GRIN2D: variants seen among roughly 807,000 people sequenced by gnomAD.
GRIN2D encodes glutamate ionotropic receptor NMDA type subunit 2D, also known as glutamate receptor ionotropic, NMDA 2D.
A neutral mutation model predicts 103.2 loss-of-function variants in GRIN2D; 37 were observed. The ratio of observed to expected loss-of-function variants is 0.36; its 90% confidence interval spans 0.28 to 0.47. GRIN2D has a LOEUF of 0.47. Among genes scored for constraint, GRIN2D ranks in the 20% least tolerant of loss-of-function variants. The pLI, the probability that GRIN2D is intolerant of heterozygous loss-of-function variation, is 1.00. For missense variants in GRIN2D, 1,557 were observed against 1,910.6 expected, an observed-to-expected ratio of 0.81 and a Z score of 3.45; for synonymous variants, 845 against 885.6, an observed-to-expected ratio of 0.95 and a Z score of 0.81.
rs1971308051 is a variant in GRIN2D, at chr19:48,442,399, G to A, written c.2673+17G>A. On this transcript the variant is annotated intron_variant, in intron 13 of 13. Transcript: ENST00000263269. This position sits in a 1 kb window ranked among gnomAD's most constrained non-coding sequence, Gnocchi z 7.2. ...TTCTCCAGGGTATGGGGCAGAGAGG[G>A]AGGCAGAGAGGGGGAGATGGCAGGG... 2 of 1,595,696 alleles carry A rather than the reference G, an allele frequency of 1.3e-6. No individual in the cohort carries two copies. Among genetic ancestry groups the A allele is most frequent in the Non-Finnish European group, 1.7e-6 (2 of 1,169,776 alleles).
At chr19:48,402,914 A>G (rs1271445443) in intron 3 of GRIN2D, among the ~76,000 whole-genome samples, 1 of 151,216 alleles carries the variant, frequency 6.6e-6, no homozygotes, top group Non-Finnish European at 1.5e-5. Context: ...AAAGGAGGAT[A>G]GGGGCCAGGC....
chr19:48,425,234 C>CG (rs1183179440), intron 11 of GRIN2D, among the ~76,000 whole-genome samples: 11 of 36,682 alleles, frequency 3.0e-4, no homozygotes, highest in Admixed American at 2.5e-4. Flanking sequence ...AGTGGGCGGG[C>CG]GGGGGGGATC....
intron 11 of GRIN2D, 112 bp downstream of exon 11, chr19:48,422,057 G>GAC: frequency 9.1e-7 from 1 of 1,097,826 alleles, no homozygotes; most frequent in Non-Finnish European, 1.3e-6. Context: ...TCAGCCCTGG[G>GAC]TGGGTCAGCT....
Position 48,433,897 on chromosome 19 carries a change from C to A in GRIN2D, c.2253-7872C>A, listed in dbSNP as rs549452404. ...TACTTCTCAGCTCCAGTGTCTGGGC[C>A]ATGGAAGGCCTCCCTTGGACCAGTC... On this transcript the variant is annotated intron_variant, in intron 11 of 13. Coordinates refer to ENST00000263269, the MANE Select transcript of GRIN2D (RefSeq NM_000836.4). Among the ~76,000 whole-genome samples the A allele has an allele frequency of 2.6e-5, 4 of 152,092 alleles. No individual in the cohort carries two copies. In the South Asian group the frequency reaches 8.3e-4, roughly 32 times the overall value.
intron 11 of GRIN2D, among the ~76,000 whole-genome samples, chr19:48,423,594 G>A (rs1262600472): frequency 6.6e-6 from 1 of 152,046 alleles, no homozygotes; most frequent in South Asian, 2.1e-4. Flanking sequence ...GCCTTCAGAC[G>A]GAGGGAACAG....
In GRIN2D at chr19:48,398,851, G is replaced by T. The variant is rs1970675610; in HGVS notation, c.459G>T (p.Thr153=). 1.5e-6 allele frequency: 2 copies of T among 1,312,178 alleles called. No homozygotes were observed. Among genetic ancestry groups the T allele is most frequent in the Middle Eastern group, 2.9e-4 (1 of 3,452 alleles). 81.3% of individuals were successfully genotyped at this position (1,312,178 alleles called of 1,614,324 possible). A position where few individuals can be genotyped will look rare whatever the true frequency, so the allele number is the denominator to read the frequency against. The change falls in exon 3 of 14, where the codon ACG becomes ACT. Residue 153 remains threonine (T), a synonymous_variant. Transcript: ENST00000263269. Reference sequence around the variant, plus strand: ...ACGGCGGCGCCGCGCTCGTGCTCACGCCCAAGGTGCGCGCGACCGGGGCGG... The same window carrying T: ...ACGGCGGCGCCGCGCTCGTGCTCACTCCCAAGGTGCGCGCGACCGGGGCGG... ...AVHGGAALVL[T]PKEKGSTFLQ...
At chr19:48,409,602 C>T (rs1459872847) in intron 4 of GRIN2D, among the ~76,000 whole-genome samples, 3 of 151,726 alleles carry the variant, frequency 2.0e-5, no homozygotes, top group South Asian at 2.1e-4. Flanking sequence ...AGTTTTGGAG[C>T]GGACAGACAT....
intron 11 of GRIN2D, among the ~76,000 whole-genome samples, chr19:48,437,454 A>AGG (rs1971245247): frequency 6.6e-6 from 1 of 152,194 alleles, no homozygotes; most frequent in Admixed American, 6.5e-5. Context: ...GGGACCATGA[A>AGG]GGGGTGGTGG....
Position 48,443,419 on chromosome 19 carries a change from A to G in GRIN2D, c.3493A>G (p.Ser1165Gly), listed in dbSNP as rs2147477546. ...CAAGCTCGGGGGCTGGCGCGCCGGG[A>G]GCTGGGACTACCTGCCCCCGCGCAG... ...VDKLGGWRAG[S>G]WDYLPPRSGP... The change falls in exon 14 of 14, where the codon AGC becomes GGC. Residue 1165 changes from serine (S) to glycine (G), a missense_variant. Around this residue, in one of 7 missense-constraint regions of GRIN2D, gnomAD observed 632 missense variants for 572.8 expected, o/e 1.10. Transcript: ENST00000263269. The surrounding 1 kb of genome is among the most constrained non-coding windows in gnomAD (Gnocchi z 8.9). The G allele has an allele frequency of 7.1e-7, 1 of 1,401,726 alleles. No homozygotes were observed. Among genetic ancestry groups the G allele is most frequent in the Non-Finnish European group, 9.2e-7 (1 of 1,081,814 alleles). The allele number at this position is 1,401,726 out of a possible 1,614,324, so 86.8% of individuals were successfully genotyped here.
At chr19:48,402,168 G>GAAAGAA (rs754486729) in intron 3 of GRIN2D, among the ~76,000 whole-genome samples, 8 of 145,792 alleles carry the variant, frequency 5.5e-5, no homozygotes, top group South Asian at 2.2e-4. Context: ...AAGAAAGAAA[G>GAAAGAA]AGAGAAAAGA....
chr19:48,398,265 T>TGCA (rs1970666802), intron 2 of GRIN2D, 102 bp from the exon 3 acceptor site: 2 of 364,180 alleles, frequency 5.5e-6, no homozygotes, highest in African/African-American at 4.4e-5. Context: ...TGTCCCTCGC[T>TGCA]GCATCTCCTC....
chr19:48,402,610 G>A (rs868861295), intron 3 of GRIN2D, among the ~76,000 whole-genome samples: 3 of 150,972 alleles, frequency 2.0e-5, no homozygotes, highest in African/African-American at 4.9e-5. Flanking sequence ...CCAGCTACTC[G>A]GGAGGCTGAG....
At chr19:48,435,229 G>A (rs569508851) in intron 11 of GRIN2D, among the ~76,000 whole-genome samples, 1 of 150,348 alleles carries the variant, frequency 6.7e-6, no homozygotes, top group African/African-American at 2.4e-5. Flanking sequence ...TCCTTGGCTT[G>A]TAAAAAGCTG....
intron 3 of GRIN2D, among the ~76,000 whole-genome samples, chr19:48,404,456 G>C (rs1002603216): frequency 1.3e-5 from 2 of 152,036 alleles, no homozygotes; most frequent in African/African-American, 4.8e-5. Context: ...TCATGCCGCT[G>C]CTCACCGGCC....
intron 11 of GRIN2D, among the ~76,000 whole-genome samples, chr19:48,430,901 C>A (rs746561958): frequency 2.7e-5 from 4 of 150,422 alleles, no homozygotes; most frequent in Admixed American, 6.7e-5. Flanking sequence ...CTCACTGCAG[C>A]CTCTGCCTCC....
rs746610161 is a variant in GRIN2D, at chr19:48,419,566, A to C, written c.1862-19A>C. 13 of 1,561,882 alleles carry C rather than the reference A, an allele frequency of 8.3e-6. No individual in the cohort carries two copies. Reference sequence around the variant, plus strand: ...GAGAAGGGATTTGGGGTCCATGTCCACGTCCTGGCCCCCTGCAGGCCCTGG... The same window carrying C: ...GAGAAGGGATTTGGGGTCCATGTCCCCGTCCTGGCCCCCTGCAGGCCCTGG... On this transcript the variant is annotated intron_variant, in intron 9 of 13. Transcript: ENST00000263269.
At chr19:48,401,357 C>G (rs760795963) in intron 3 of GRIN2D, among the ~76,000 whole-genome samples, 2 of 152,022 alleles carry the variant, frequency 1.3e-5, no homozygotes, top group African/African-American at 2.4e-5. Flanking sequence ...ATCCGGCTGT[C>G]CTGGAGGAAA....
intron 11 of GRIN2D, among the ~76,000 whole-genome samples, chr19:48,423,377 G>A (rs572878358): frequency 3.2e-4 from 49 of 152,244 alleles, no homozygotes; most frequent in African/African-American, 1.1e-3. Flanking sequence ...AAATAGACCC[G>A]ATTCCTAGGT....
At chr19:48,417,207 T>C (rs1315852307) in intron 8 of GRIN2D, among the ~76,000 whole-genome samples, 1 of 152,166 alleles carries the variant, frequency 6.6e-6, no homozygotes, top group East Asian at 1.9e-4. Context: ...ACCACCGCAC[T>C]CCAGCCTGGA....
Sources: allele counts gnomAD v4.1 joint callset (sites outside exome capture counted in the v4.1 genomes callset), GRCh38; gene constraint gnomAD v4.1.1; regional missense constraint gnomAD v4.1.1; non-coding constraint Gnocchi (gnomAD v3.1); transcripts MANE v1.5; gene names NCBI Gene and HGNC (gene_info 2026-07-23, HGNC 2026-07-21).